Variants in KITLG observed in about 807,000 individuals in gnomAD.
The protein encoded by KITLG is KIT ligand, also known as c-Kit ligand.
A neutral mutation model predicts 34.1 loss-of-function variants in KITLG; 13 were observed. The observed-to-expected ratio is 0.38, with a 90% CI of 0.25 to 0.61. The LOEUF is 0.61. Ranked by LOEUF, KITLG falls within the 20% of genes least tolerant of loss-of-function variation. The pLI is 0.60. For missense variants in KITLG, 292 were observed against 318.9 expected (o/e 0.92, Z 0.64); for synonymous variants, 110 against 104.0 (o/e 1.06, Z -0.35).
In KITLG at chr12:88,494,311, T is replaced by TA. The variant is rs1198214115; in HGVS notation, c.*2907dup. ...AAACTTGGCTGCAGTAAAATATTTT[T>TA]AAAATCCATGATTTCTGAATGAGTT... On this transcript the variant is annotated 3_prime_UTR_variant, in exon 10 of 10. Transcript: ENST00000644744. The TA allele has an allele frequency of 1.3e-5, 2 of 151,996 alleles. No homozygotes were observed. Among genetic ancestry groups the TA allele is most frequent in the African/African-American group, 4.8e-5 (2 of 41,444 alleles). The allele number at this position is 151,996 out of a possible 1,614,324, so 9.4% of individuals were successfully genotyped here.
chr12:88,505,167 G>A lies in KITLG; in HGVS notation c.*29C>T, dbSNP rs1254586862. On this transcript the variant is annotated 3_prime_UTR_variant, in exon 9 of 10. Transcript: ENST00000644744. Reference sequence around the variant, plus strand: ...AGAAGAAAAAAACTTACCAATGTACGAAAGTAACAGTGTTGATACAAGCCA... The same window carrying A: ...AGAAGAAAAAAACTTACCAATGTACAAAAGTAACAGTGTTGATACAAGCCA... 5.2e-6 allele frequency: 8 copies of A among 1,552,754 alleles called. No individual in the cohort carries two copies. Among genetic ancestry groups the A allele is most frequent in the East Asian group, 2.2e-5 (1 of 44,460 alleles).
chr12:88,569,731 T>C (rs906282065), intron 1 of KITLG, among the ~76,000 whole-genome samples: 1 of 152,208 alleles, frequency 6.6e-6, no homozygotes, highest in Non-Finnish European at 1.5e-5. Flanking sequence ...TCTGTTCTGT[T>C]GTCTCCTTTA....
chr12:88,534,018 T>C (rs1206468235), intron 2 of KITLG, among the ~76,000 whole-genome samples: 1 of 152,170 alleles, frequency 6.6e-6, no homozygotes, highest in African/African-American at 2.4e-5. Flanking sequence ...ATAGTAACAG[T>C]GTCTAACACG....
Position 88,497,070 on chromosome 12 carries a change from T to C in KITLG, c.*149A>G, listed in dbSNP as rs1042181542. ...TCTGTTCCAATTTCTGAATCATCCA[T>C]ATAAAGTCATGGGTAGCAAGAACAG... On this transcript the variant is annotated 3_prime_UTR_variant, in exon 10 of 10. Coordinates refer to ENST00000644744, the MANE Select transcript of KITLG (RefSeq NM_000899.5). The C allele has an allele frequency of 3.5e-5, 14 of 394,702 alleles. No individual in the cohort carries two copies. The highest frequency in any genetic ancestry group is 2.3e-4 in the African/African-American group (11 of 47,278). The allele number at this position is 394,702 out of a possible 1,614,324, so 24.4% of individuals were successfully genotyped here. A position where few individuals can be genotyped will look rare whatever the true frequency, so the allele number is the denominator to read the frequency against.
At chr12:88,531,590 A>G (rs1566025162) in intron 3 of KITLG, among the ~76,000 whole-genome samples, 1 of 152,040 alleles carries the variant, frequency 6.6e-6, no homozygotes, top group Non-Finnish European at 1.5e-5. Context: ...TATAATAGTA[A>G]ACACATACAC....
chr12:88,564,643 A>G (rs1247454225), intron 1 of KITLG, among the ~76,000 whole-genome samples: 1 of 152,124 alleles, frequency 6.6e-6, no homozygotes, highest in African/African-American at 2.4e-5. Context: ...GGCAGAAGGT[A>G]GACTTTGTGA....
Position 88,571,441 on chromosome 12 carries a change from C to A in KITLG, c.15+8823G>T, listed in dbSNP as rs1290103699. 2.0e-5 allele frequency among the ~76,000 whole-genome samples: 3 copies of A among 152,192 alleles called. No individual in the cohort carries two copies. The East Asian group carries it at 5.8e-4, about 29-fold the overall frequency. ...CATTCAAACCTTTGCTATTCTCTCA[C>A]ATTGTCTCCAGTTTCACTAAGTAAA... On this transcript the variant is annotated intron_variant, in intron 1 of 9. Coordinates refer to ENST00000644744, the MANE Select transcript of KITLG (RefSeq NM_000899.5).
intron 3 of KITLG, among the ~76,000 whole-genome samples, chr12:88,523,326 A>T (rs187900924): frequency 2.6e-5 from 4 of 152,334 alleles, no homozygotes; most frequent in East Asian, 3.9e-4. Flanking sequence ...TCCAGGTTAC[A>T]TAACAAATTT....
At chr12:88,535,266 G>GA (rs1318627159) in intron 2 of KITLG, among the ~76,000 whole-genome samples, 1 of 152,148 alleles carries the variant, frequency 6.6e-6, no homozygotes, top group African/African-American at 2.4e-5. Context: ...ACTGGTGGTA[G>GA]GGCAGTGTAT....
At chr12:88,519,252 G>A (rs1022467911) in intron 3 of KITLG, among the ~76,000 whole-genome samples, 1 of 152,092 alleles carries the variant, frequency 6.6e-6, no homozygotes, top group East Asian at 1.9e-4. Context: ...TAGTGTGACA[G>A]GAGGAGGAGG....
intron 1 of KITLG, among the ~76,000 whole-genome samples, chr12:88,568,570 G>A (rs992254271): frequency 6.6e-6 from 1 of 152,072 alleles, no homozygotes; most frequent in Non-Finnish European, 1.5e-5. Flanking sequence ...ATATCATGTT[G>A]TAATCATAAT....
intron 3 of KITLG, among the ~76,000 whole-genome samples, chr12:88,525,515 A>G (rs1869833585): frequency 6.6e-6 from 1 of 152,204 alleles, no homozygotes; most frequent in African/African-American, 2.4e-5. Context: ...CTCTGTAGAT[A>G]GTCAAAATAT....
Position 88,552,562 on chromosome 12 carries a change from G to GGAAT in KITLG, c.16-6701_16-6698dup, listed in dbSNP as rs576166081. Among the ~76,000 whole-genome samples, 25 of 152,046 alleles carry GGAAT rather than the reference G, an allele frequency of 1.6e-4. No homozygotes were observed. The South Asian group carries it at 4.8e-3, about 29-fold the overall frequency. On this transcript the variant is annotated intron_variant, in intron 1 of 9. Transcript: ENST00000644744. ...AACACAGCTCAATTGAAATACTTTT[G>GGAAT]GAATGAATGAATGAATGAAAGGTGT...
intron 2 of KITLG, among the ~76,000 whole-genome samples, 164 bp downstream of exon 2, chr12:88,545,588 C>T (rs556242431): frequency 1.3e-5 from 2 of 152,292 alleles, no homozygotes; most frequent in South Asian, 4.1e-4. Flanking sequence ...AAATATCTCA[C>T]TACCTGCTTT....
intron 2 of KITLG, among the ~76,000 whole-genome samples, chr12:88,539,503 CTTCT>C (rs1297620752): frequency 1.3e-5 from 2 of 152,074 alleles, no homozygotes; most frequent in Non-Finnish European, 2.9e-5. Flanking sequence ...AAGCTTTTTG[CTTCT>C]TTGTTTCTCC....
Position 88,515,557 on chromosome 12 carries a change from C to T in KITLG, c.581G>A (p.Arg194Lys), listed in dbSNP as rs1869425261. ...MLPPVAASSL[R>K]NDSSSSNRKA... is the part of the protein sequence containing the mutation. Reference sequence around the variant, plus strand: ...ACTATTACTGCTACTGCTGTCATTCCTAAGGGAGCTGGCTGCAACAGGGGG... The same window carrying T: ...ACTATTACTGCTACTGCTGTCATTCTTAAGGGAGCTGGCTGCAACAGGGGG... Residue 194 changes from arginine (R) to lysine (K), a missense_variant, in exon 6 of 10, where the codon AGG becomes AAG. By Grantham distance (26) the Arg-to-Lys change is conservative. Around this residue, in one of 2 missense-constraint regions of KITLG, gnomAD observed 140 missense variants for 111.0 expected, o/e 1.26. Coordinates refer to ENST00000644744, the MANE Select transcript of KITLG (RefSeq NM_000899.5). 2 of 1,610,510 alleles carry T rather than the reference C, an allele frequency of 1.2e-6. No individual in the cohort carries two copies. The highest frequency in any genetic ancestry group is 2.2e-5 in the East Asian group (1 of 44,748).
At chr12:88,525,700 G>A (rs1484981721) in intron 3 of KITLG, among the ~76,000 whole-genome samples, 1 of 152,062 alleles carries the variant, frequency 6.6e-6, no homozygotes, top group Non-Finnish European at 1.5e-5. Context: ...ATGTACCCAA[G>A]ATGAATAGCT....
intron 5 of KITLG, 28 bp downstream of exon 5, chr12:88,516,306 T>C: frequency 6.3e-7 from 1 of 1,598,846 alleles, no homozygotes; most frequent in Non-Finnish European, 8.6e-7. Flanking sequence ...TTGTTTACAT[T>C]TGAACTGGAA....
At chr12:88,542,689 C>T (rs1870562469) in intron 2 of KITLG, among the ~76,000 whole-genome samples, 1 of 151,990 alleles carries the variant, frequency 6.6e-6, no homozygotes, top group Admixed American at 6.6e-5. Flanking sequence ...CTAAGCAGTC[C>T]TGATACTTCT....
Sources: allele counts gnomAD v4.1 joint callset (sites outside exome capture counted in the v4.1 genomes callset), GRCh38; gene constraint gnomAD v4.1.1; regional missense constraint gnomAD v4.1.1; transcripts MANE v1.5; gene names NCBI Gene and HGNC (gene_info 2026-07-23, HGNC 2026-07-21).